PCBP3: variants seen among roughly 807,000 people sequenced by gnomAD.
The protein encoded by PCBP3 is poly(rC)-binding protein 3.
In PCBP3, 25 loss-of-function variants were observed where a neutral mutation model predicts 52.7. The observed-to-expected ratio is 0.47, with a 90% CI of 0.35 to 0.66. PCBP3 has a LOEUF of 0.66. Ranked by LOEUF, PCBP3 falls within the 30% of genes least tolerant of loss-of-function variation. The probability of loss-of-function intolerance (pLI) is 0.01; values close to 1 mark genes in which losing one functional copy is unlikely to be tolerated. For missense variants in PCBP3, 391 were observed against 490.3 expected, an observed-to-expected ratio of 0.80 and a Z score of 1.91; for synonymous variants, 162 against 183.0, an observed-to-expected ratio of 0.89 and a Z score of 0.93.
chr21:45,740,383 C>T (rs1194390578), intron 3 of PCBP3, among the ~76,000 whole-genome samples: 1 of 152,156 alleles, frequency 6.6e-6, no homozygotes, highest in Non-Finnish European at 1.5e-5. Context: ...AAAATTATTC[C>T]CTTGATCCTT....
intron 13 of PCBP3, among the ~76,000 whole-genome samples, chr21:45,924,184 G>A (rs62213802): frequency 0.033 from 759 of 23,040 alleles, 172 homozygotes; most frequent in African/African-American, 0.12. Flanking sequence ...AGTCGCGTGG[G>A]TAGAAACAGC....
chr21:45,650,637 TAG>T (rs879394678), intron 1 of PCBP3, among the ~76,000 whole-genome samples: 13 of 152,130 alleles, frequency 8.5e-5, no homozygotes, highest in Middle Eastern at 3.2e-3. Context: ...TTTCTTTTTG[TAG>T]AATAAGGGTC....
In PCBP3 at chr21:45,843,677, A is replaced by G. The variant is rs140147054; in HGVS notation, c.-125-6284A>G. Among the ~76,000 whole-genome samples, 14 of 152,352 alleles carry G rather than the reference A, an allele frequency of 9.2e-5. No homozygotes were observed. In the East Asian group the frequency reaches 2.7e-3, roughly 29 times the overall value. ...AAAGTGTTTTGTCCAAGGGAATTGT[A>G]AAGTTATCTTTTGCTAATGATATTT... On this transcript the variant is annotated intron_variant, in intron 4 of 17. Coordinates refer to ENST00000681687, the MANE Select transcript of PCBP3 (RefSeq NM_001384156.1).
intron 2 of PCBP3, among the ~76,000 whole-genome samples, chr21:45,681,442 C>T (rs1328109607): frequency 1.3e-5 from 2 of 152,110 alleles, no homozygotes; most frequent in East Asian, 1.9e-4. Flanking sequence ...TACAGAGGCT[C>T]CCTGACTTAG....
rs529273558 is a variant in PCBP3, at chr21:45,803,316, C to T, written c.-125-46645C>T. ...ATTGACCTTTGTTTACCTTTCACCC[C>T]CAGAATGGTTTGGTCAATGACAGCA... On this transcript the variant is annotated intron_variant, in intron 4 of 17. Transcript: ENST00000681687. 2.0e-5 allele frequency among the ~76,000 whole-genome samples: 3 copies of T among 152,314 alleles called. No homozygotes were observed. The South Asian group carries it at 6.2e-4, about 32-fold the overall frequency.
At chr21:45,672,417 C>T (rs1603229385) in intron 2 of PCBP3, among the ~76,000 whole-genome samples, 1 of 152,002 alleles carries the variant, frequency 6.6e-6, no homozygotes, top group East Asian at 1.9e-4. Context: ...ATCCCACAGC[C>T]TGCTTTCTGC....
chr21:45,838,828 C>T (rs1334502318), intron 4 of PCBP3, among the ~76,000 whole-genome samples: 1 of 151,930 alleles, frequency 6.6e-6, no homozygotes, highest in Non-Finnish European at 1.5e-5. Flanking sequence ...GCCTACAGTC[C>T]TTCTCTCTGT....
At chr21:45,763,997 T>C (rs1015179838) in intron 4 of PCBP3, among the ~76,000 whole-genome samples, 7 of 152,238 alleles carry the variant, frequency 4.6e-5, no homozygotes, top group African/African-American at 1.7e-4. Context: ...GCTTTTCCTG[T>C]TGAAACATCT....
intron 4 of PCBP3, among the ~76,000 whole-genome samples, chr21:45,789,490 G>A (rs570531308): frequency 2.0e-4 from 30 of 152,302 alleles, no homozygotes; most frequent in Non-Finnish European, 4.0e-4. Context: ...CAATAGGGCC[G>A]TCAAGGTTGG....
chr21:45,663,432 T>A (rs2080554709), intron 1 of PCBP3, among the ~76,000 whole-genome samples: 1 of 152,126 alleles, frequency 6.6e-6, no homozygotes, highest in Non-Finnish European at 1.5e-5. Flanking sequence ...ATCTCTCATC[T>A]CTGTGCATAG....
chr21:45,858,956 C>T (rs1352870017), intron 5 of PCBP3: 2 of 152,512 alleles, frequency 1.3e-5, no homozygotes, highest in African/African-American at 4.8e-5. Flanking sequence ...CTTTGCTCTT[C>T]CTGCATCTTC....
intron 16 of PCBP3, among the ~76,000 whole-genome samples, chr21:45,939,166 G>A (rs2149594446): frequency 6.6e-6 from 1 of 152,356 alleles, no homozygotes; most frequent in Non-Finnish European, 1.5e-5. Context: ...TCCAGTCTGG[G>A]GCTTTCTCTG....
chr21:45,682,559 G>A (rs903115093), intron 2 of PCBP3, among the ~76,000 whole-genome samples: 3 of 152,116 alleles, frequency 2.0e-5, no homozygotes, highest in African/African-American at 7.2e-5. Flanking sequence ...TAGAGTGATA[G>A]CAGTGGAGGT....
intron 4 of PCBP3, among the ~76,000 whole-genome samples, chr21:45,775,800 A>G (rs908421722): frequency 6.6e-6 from 1 of 152,086 alleles, no homozygotes; most frequent in Admixed American, 6.6e-5. Context: ...TGTTTCATTC[A>G]TCCTTTGTAT....
chr21:45,939,360 C>T (rs1017301964), intron 16 of PCBP3, among the ~76,000 whole-genome samples: 21 of 152,352 alleles, frequency 1.4e-4, no homozygotes, highest in Non-Finnish European at 1.8e-4. Flanking sequence ...CCATAGGCCC[C>T]GCCCTCCTCC....
chr21:45,782,885 G>A (rs1407797293), intron 4 of PCBP3, among the ~76,000 whole-genome samples: 1 of 152,246 alleles, frequency 6.6e-6, no homozygotes, highest in Non-Finnish European at 1.5e-5. Context: ...ACACTTCTCT[G>A]TGAGGCATGT....
chr21:45,919,318 T>C (rs1333708053), intron 13 of PCBP3: 3 of 152,252 alleles, frequency 2.0e-5, no homozygotes, highest in African/African-American at 7.2e-5. Flanking sequence ...GCCTCTGAGC[T>C]GGTTGGGAGG....
At chr21:45,678,895 C>G (rs2081638250) in intron 2 of PCBP3, among the ~76,000 whole-genome samples, 1 of 151,976 alleles carries the variant, frequency 6.6e-6, no homozygotes, top group Non-Finnish European at 1.5e-5. Flanking sequence ...ACAGAGAAAA[C>G]TTTCGTGAAA....
At chr21:45,843,211 A>C (rs1159300203) in intron 4 of PCBP3, among the ~76,000 whole-genome samples, 1 of 152,202 alleles carries the variant, frequency 6.6e-6, no homozygotes, top group Admixed American at 6.5e-5. Context: ...TGTGCTCAGC[A>C]GGAAGAATAG....
Sources: allele counts gnomAD v4.1 joint callset (sites outside exome capture counted in the v4.1 genomes callset), GRCh38; gene constraint gnomAD v4.1.1; transcripts MANE v1.5; gene names NCBI Gene and HGNC (gene_info 2026-07-23, HGNC 2026-07-21).